The following DLC1 variants were observed in gnomAD, a reference collection of about 807,000 sequenced individuals.
DLC1 encodes DLC1 Rho GTPase activating protein.
DLC1 carries 54 observed loss-of-function variants against 140.3 expected under a neutral mutation model. The observed-to-expected ratio is 0.38, with a 90% CI of 0.31 to 0.48. The LOEUF (loss-of-function observed/expected upper bound fraction) is 0.48. Among genes scored for constraint, DLC1 ranks in the 20% least tolerant of loss-of-function variants. The pLI, the probability that DLC1 is intolerant of heterozygous loss-of-function variation, is 0.96. For synonymous variants in DLC1, 986 were observed against 728.1 expected, an observed-to-expected ratio of 1.35 and a Z score of -5.70; for missense variants, 2,536 against 1,907.0, an observed-to-expected ratio of 1.33 and a Z score of -6.14.
In DLC1 at chr8:13,401,509, A is replaced by T; in HGVS notation, c.1134T>A (p.Ser378=). ...GCAGGTTTGTTGGTGTGCCTGATGG[A>T]GAGGAGCTGGTGCTGAGGGCATTTT... ...DIENALSTSS[S]PSGTPTNLRR... is the part of the protein sequence containing the mutation. Residue 378 remains serine (S), a synonymous_variant, in exon 3 of 18, where the codon TCT becomes TCA. Coordinates refer to ENST00000276297, the MANE Select transcript of DLC1 (RefSeq NM_182643.3). The T allele has an allele frequency of 6.2e-7, 1 of 1,612,884 alleles. No homozygotes were observed. Among genetic ancestry groups the T allele is most frequent in the Non-Finnish European group, 8.5e-7 (1 of 1,179,972 alleles).
intron 5 of DLC1, chr8:13,214,791 G>T (rs774617975): frequency 1.3e-6 from 1 of 779,760 alleles, no homozygotes. Flanking sequence ...GGTTCCAGGG[G>T]AGGTAAAAAG....
intron 5 of DLC1, among the ~76,000 whole-genome samples, chr8:13,248,190 C>A (rs1407779964): frequency 6.6e-6 from 1 of 152,206 alleles, no homozygotes; most frequent in Non-Finnish European, 1.5e-5. Context: ...TGCTCCCCTT[C>A]TCTTCCCAGC....
chr8:13,132,578 A>G (rs1309226393), intron 5 of DLC1, among the ~76,000 whole-genome samples: 1 of 152,168 alleles, frequency 6.6e-6, no homozygotes, highest in Admixed American at 6.5e-5. Context: ...AGGAAGGTAG[A>G]AGGCGGTGTC....
At chr8:13,504,368 G>T (rs867928493) in intron 1 of DLC1, among the ~76,000 whole-genome samples, 2 of 152,078 alleles carry the variant, frequency 1.3e-5, no homozygotes, top group African/African-American at 4.8e-5. Context: ...CAGGTGATCC[G>T]CCTGCCTCGG....
chr8:13,444,546 C>T (rs368109658), intron 2 of DLC1, among the ~76,000 whole-genome samples: 2 of 152,152 alleles, frequency 1.3e-5, no homozygotes, highest in East Asian at 1.9e-4. Context: ...GTGCATTCTA[C>T]ACTACGAAAG....
At position 13,401,639 on chromosome 8, in the gene DLC1, G is replaced by T. The variant is rs952143555; in HGVS notation, c.1024-20C>A. On this transcript the variant is annotated intron_variant, in intron 2 of 17. Coordinates refer to ENST00000276297, the MANE Select transcript of DLC1 (RefSeq NM_182643.3). ...TATTTCCTGAGGAACAGAACATTTT[G>T]TTACTGAATCTGAAAGGCCATTTCT... 3 of 1,600,306 alleles carry T rather than the reference G, an allele frequency of 1.9e-6. No individual in the cohort carries two copies. Among genetic ancestry groups the T allele is most frequent in the Non-Finnish European group, 2.6e-6 (3 of 1,173,378 alleles).
rs1785783673 is a variant in DLC1 at position 13,438,044 on chromosome 8, CA to C, written c.1024-36426del. On this transcript the variant is annotated intron_variant, in intron 2 of 17. Coordinates refer to ENST00000276297, the MANE Select transcript of DLC1 (RefSeq NM_182643.3). ...CCTCTTTTTTTTTTTTTTACAGTACCATACTATCAGTTATATAAAATTAACA... is the reference window on the plus strand; with the variant it reads ...CCTCTTTTTTTTTTTTTTACAGTACCTACTATCAGTTATATAAAATTAACA... 3.4e-5 allele frequency among the ~76,000 whole-genome samples: 5 copies of C among 148,512 alleles called. No homozygotes were observed. The South Asian group carries it at 1.1e-3, about 31-fold the overall frequency.
chr8:13,241,858 C>T (rs1299935697), intron 5 of DLC1, among the ~76,000 whole-genome samples: 1 of 152,090 alleles, frequency 6.6e-6, no homozygotes, highest in Non-Finnish European at 1.5e-5. Context: ...CATTTCCTCT[C>T]TTAGCAGCTT....
At chr8:13,511,971 G>A (rs1802385990) in intron 1 of DLC1, among the ~76,000 whole-genome samples, 1 of 152,130 alleles carries the variant, frequency 6.6e-6, no homozygotes, top group Admixed American at 6.5e-5. Context: ...AGTATTTGTA[G>A]TGAGTTATAT....
chr8:13,520,772 T>A (rs987901112), intron 1 of DLC1, among the ~76,000 whole-genome samples: 2 of 152,082 alleles, frequency 1.3e-5, no homozygotes, highest in African/African-American at 4.8e-5. Flanking sequence ...ATGCAAGATT[T>A]TGTTTAGAGA....
intron 5 of DLC1, among the ~76,000 whole-genome samples, chr8:13,201,921 G>GT (rs35475930): frequency 0.058 from 5,889 of 101,544 alleles, 146 homozygotes; most frequent in Non-Finnish European, 0.084. Context: ...TACCCAAAAG[G>GT]TTTTTTTTTT....
intron 5 of DLC1, chr8:13,276,262 C>T (rs1283629944): frequency 1.0e-5 from 16 of 1,535,406 alleles, no homozygotes; most frequent in Non-Finnish European, 1.3e-5. Flanking sequence ...TGCCTCTCAC[C>T]TGCCAGCCGT....
At position 13,088,537 on chromosome 8, in the gene DLC1, A is replaced by G. The variant is rs1369127670; in HGVS notation, c.4242T>C (p.Tyr1414=). 2 of 1,614,240 alleles carry G rather than the reference A, an allele frequency of 1.2e-6. No homozygotes were observed. Among genetic ancestry groups the G allele is most frequent in the South Asian group, 2.2e-5 (2 of 91,086 alleles). ...ILDSQTEIYQ[Y]VQNSMAPHPA... is the part of the protein sequence containing the mutation. ...GATGAGGTGCCATACTGTTTTGGAC[A>G]TACTGGTAAATTTCAGTTTGGCTGT... The change falls in exon 16 of 18, where the codon TAT becomes TAC. Residue 1414 remains tyrosine, a synonymous_variant. Coordinates refer to ENST00000276297, the MANE Select transcript of DLC1 (RefSeq NM_182643.3).
At chr8:13,229,496 G>A (rs188295790) in intron 5 of DLC1, among the ~76,000 whole-genome samples, 7 of 152,166 alleles carry the variant, frequency 4.6e-5, no homozygotes, top group Admixed American at 3.9e-4. Flanking sequence ...TTTTTAAGGT[G>A]ATGAAAATGT....
chr8:13,269,776 G>A (rs1046508040), intron 5 of DLC1, among the ~76,000 whole-genome samples: 11 of 149,700 alleles, frequency 7.3e-5, no homozygotes, highest in Non-Finnish European at 1.2e-4. Flanking sequence ...TTAAAAACAT[G>A]GCCAGGCGCA....
At position 13,090,286 on chromosome 8, in the gene DLC1, G is replaced by A. The variant is rs749179447; in HGVS notation, c.4040C>T (p.Ser1347Phe). 2 of 1,614,128 alleles carry A rather than the reference G, an allele frequency of 1.2e-6. No individual in the cohort carries two copies. Among genetic ancestry groups the A allele is most frequent in the Middle Eastern group, 1.6e-4 (1 of 6,062 alleles). Residue 1347 changes from serine (S) to phenylalanine (F), a missense_variant, in exon 15 of 18, where the codon TCC (serine) becomes TTC (phenylalanine). By Grantham distance (155) the Ser-to-Phe change is radical. Coordinates refer to ENST00000276297, the MANE Select transcript of DLC1 (RefSeq NM_182643.3). ...KEKFKGWVSY[S>F]TSEQAELSYK... ...GGACAGCTCAGCCTGCTCCGAAGTG[G>A]AGTAGCTGACCCAGCCTTTAAACTT...
intron 4 of DLC1, among the ~76,000 whole-genome samples, chr8:13,346,559 T>C (rs931998703): frequency 3.3e-5 from 5 of 152,212 alleles, no homozygotes; most frequent in Non-Finnish European, 5.9e-5. Context: ...TAAAGTTTAA[T>C]TGTTCTAGTT....
chr8:13,499,744 C>T lies in DLC1; in HGVS notation c.328G>A (p.Val110Ile), dbSNP rs1801702587. The change falls in exon 2 of 18, where the codon GTT becomes ATT. Residue 110 changes from valine (V) to isoleucine (I), a missense_variant. By Grantham distance (29) the Val-to-Ile change is conservative (BLOSUM62 3). Coordinates refer to ENST00000276297, the MANE Select transcript of DLC1 (RefSeq NM_182643.3). The part of the protein sequence containing the change: ...LEASTETLVH[V>I]SDEDNNADLC... ...TCAGCATTGTTATCCTCATCAGAAA[C>T]ATGCACTAGTGTTTCTGTGCTGGCT... 6.2e-7 allele frequency: 1 copy of T among 1,614,010 alleles called. No individual in the cohort carries two copies. The highest frequency in any genetic ancestry group is 1.1e-5 in the South Asian group (1 of 91,086).
intron 2 of DLC1, among the ~76,000 whole-genome samples, chr8:13,406,390 G>C (rs1837562925): frequency 6.6e-6 from 1 of 151,950 alleles, no homozygotes; most frequent in African/African-American, 2.4e-5. Context: ...GCTGTACACT[G>C]TTTCAGAGGA....
Sources: gnomAD v4.1 joint callset for allele counts (sites outside exome capture counted in the v4.1 genomes callset) on GRCh38, gnomAD v4.1.1 for gene constraint, MANE v1.5 for transcripts, NCBI Gene and HGNC (gene_info 2026-07-23, HGNC 2026-07-21) for gene names.